ACTR3C: variants seen among roughly 807,000 people sequenced by gnomAD.
ACTR3C encodes actin related protein 3C.
ACTR3C carries 18 observed loss-of-function variants against 26.3 expected under a neutral mutation model. The observed-to-expected ratio is 0.68, with a 90% CI of 0.47 to 1.01. The LOEUF is 1.01. ACTR3C is among the 50% of genes least tolerant of loss of function. ACTR3C has a pLI of 0.00. For missense variants in ACTR3C, 184 were observed against 250.7 expected, an observed-to-expected ratio of 0.73 and a Z score of 1.80; for synonymous variants, 55 against 94.5, an observed-to-expected ratio of 0.58 and a Z score of 2.42.
the ACTR3C span, among the ~76,000 whole-genome samples, chr7:150,223,971 T>C: frequency 6.6e-6 from 1 of 152,218 alleles, no homozygotes; most frequent in Admixed American, 6.5e-5. Context: ...GAGAGAGGGC[T>C]GCAGTTCTTT....
intron 1 of ACTR3C, among the ~76,000 whole-genome samples, chr7:150,319,077 A>G (rs1201125211): frequency 2.0e-5 from 3 of 152,190 alleles, no homozygotes; most frequent in African/African-American, 7.2e-5. Context: ...CCAGTCTATT[A>G]CTGAGCAAGT....
the ACTR3C span, among the ~76,000 whole-genome samples, chr7:149,984,448 C>T: frequency 0.15 from 22,707 of 151,232 alleles, 3,364 homozygotes; most frequent in African/African-American, 0.39. Flanking sequence ...AAATGATCCA[C>T]CCGCCTCAGC....
the ACTR3C span, among the ~76,000 whole-genome samples, chr7:150,155,893 C>T: frequency 6.6e-6 from 1 of 151,032 alleles, no homozygotes; most frequent in African/African-American, 2.4e-5. Flanking sequence ...AAATGCTCTG[C>T]CCCAGTAATT....
chr7:149,927,884 A>G, the ACTR3C span, among the ~76,000 whole-genome samples: 2 of 152,190 alleles, frequency 1.3e-5, no homozygotes, highest in African/African-American at 4.8e-5. Flanking sequence ...CACCTTCACC[A>G]TTCTATTCTT....
At chr7:150,039,849 T>C in the ACTR3C span, among the ~76,000 whole-genome samples, 12 of 97,914 alleles carry the variant, frequency 1.2e-4, no homozygotes, top group Non-Finnish European at 1.5e-4. Context: ...ATGGGGGTCC[T>C]AAGAGCAAAG....
chr7:150,044,467 G>A, the ACTR3C span, among the ~76,000 whole-genome samples: 10 of 152,118 alleles, frequency 6.6e-5, no homozygotes, highest in African/African-American at 2.4e-4. Flanking sequence ...CTATTTTGAA[G>A]TCAGACTTTG....
At chr7:149,907,847 T>A in the ACTR3C span, among the ~76,000 whole-genome samples, 1 of 152,150 alleles carries the variant, frequency 6.6e-6, no homozygotes, top group African/African-American at 2.4e-5. Flanking sequence ...GGAGTTCAAT[T>A]TATCAACTCA....
chr7:149,998,228 T>C, the ACTR3C span, among the ~76,000 whole-genome samples: 1 of 151,344 alleles, frequency 6.6e-6, no homozygotes, highest in African/African-American at 2.4e-5. Context: ...CCCTAGGAGA[T>C]CTGTCTCCAG....
chr7:150,014,821 A>T, the ACTR3C span, among the ~76,000 whole-genome samples: 1 of 152,100 alleles, frequency 6.6e-6, no homozygotes, highest in South Asian at 2.1e-4. Context: ...TGTTGTTGAA[A>T]TTAGGTGACT....
the ACTR3C span, among the ~76,000 whole-genome samples, chr7:149,962,551 G>A: frequency 6.6e-6 from 1 of 152,024 alleles, no homozygotes; most frequent in African/African-American, 2.4e-5. Flanking sequence ...CCTTCCCTGT[G>A]GGCAGCGCTG....
At position 150,318,166 on chromosome 7, in the gene ACTR3C, T is replaced by G. The variant is rs114085701; in HGVS notation, c.-52+5303A>C. On this transcript the variant is annotated intron_variant, in intron 1 of 7. Transcript: ENST00000683684. ...CGGTGAAAAGCATTAGTCATTTGTATCAGCCAGGATGGGGAGGTTTCCTGC... is the reference window on the plus strand; with the variant it reads ...CGGTGAAAAGCATTAGTCATTTGTAGCAGCCAGGATGGGGAGGTTTCCTGC... Among the ~76,000 whole-genome samples the G allele has an allele frequency of 7.8e-3, 1,189 of 152,296 alleles. 20 individuals are homozygous for G. Among genetic ancestry groups the G allele is most frequent in the African/African-American group, 0.026 (1,097 of 41,566 alleles).
the ACTR3C span, among the ~76,000 whole-genome samples, chr7:150,060,441 T>C: frequency 6.6e-6 from 1 of 152,204 alleles, no homozygotes; most frequent in Non-Finnish European, 1.5e-5. Flanking sequence ...CTGCTTCTCT[T>C]TCCCACCTAT....
intron 6 of ACTR3C, among the ~76,000 whole-genome samples, chr7:150,262,216 C>A (rs879680715): frequency 1.3e-5 from 2 of 151,208 alleles, no homozygotes; most frequent in South Asian, 2.1e-4. Context: ...TACTTTTCCA[C>A]CTCTGCAGTA....
chr7:150,299,341 C>T (rs1482850171), intron 1 of ACTR3C, among the ~76,000 whole-genome samples: 1 of 151,190 alleles, frequency 6.6e-6, no homozygotes, highest in East Asian at 1.9e-4. Flanking sequence ...GTCCCAGCTA[C>T]TCAGGAGGCT....
chr7:150,080,975 T>C, the ACTR3C span, among the ~76,000 whole-genome samples: 2 of 152,198 alleles, frequency 1.3e-5, no homozygotes, highest in Non-Finnish European at 2.9e-5. Context: ...ATTATAAAAG[T>C]GTTTCTTCTT....
chr7:149,983,359 C>T, the ACTR3C span, among the ~76,000 whole-genome samples: 2 of 148,082 alleles, frequency 1.4e-5, no homozygotes, highest in African/African-American at 2.5e-5. Context: ...GAAATCAAAA[C>T]CACAAAGAGG....
the ACTR3C span, among the ~76,000 whole-genome samples, chr7:150,237,876 G>A: frequency 6.8e-6 from 1 of 146,024 alleles, no homozygotes. Context: ...AACATCCCAG[G>A]CACTCTGTTT....
chr7:150,259,349 G>A (rs562563671), intron 6 of ACTR3C, among the ~76,000 whole-genome samples: 6 of 152,010 alleles, frequency 3.9e-5, no homozygotes, highest in African/African-American at 1.2e-4. Context: ...GAAAGACAGA[G>A]AAAGAAAGAA....
the ACTR3C span, among the ~76,000 whole-genome samples, chr7:150,183,659 G>T: frequency 8.4e-6 from 1 of 118,488 alleles, no homozygotes; most frequent in East Asian, 2.8e-4. Flanking sequence ...ATCTAATATA[G>T]ATTTTATGAC....
Sources: allele counts gnomAD v4.1 joint callset (sites outside exome capture counted in the v4.1 genomes callset), GRCh38; gene constraint gnomAD v4.1.1; transcripts MANE v1.5; gene names NCBI Gene and HGNC (gene_info 2026-07-23, HGNC 2026-07-21).